The following PXDNL variants were observed in gnomAD, a reference collection of about 807,000 sequenced individuals.
The protein encoded by PXDNL is probable oxidoreductase PXDNL.
In PXDNL, 145 loss-of-function variants were observed where a neutral mutation model predicts 150.8. The observed-to-expected ratio is 0.96, with a 90% CI of 0.84 to 1.10. PXDNL has a LOEUF of 1.10. PXDNL is among the 50% of genes least tolerant of loss of function. The pLI is 0.00. For synonymous variants in PXDNL, 757 were observed against 725.7 expected, an observed-to-expected ratio of 1.04 and a Z score of -0.69; for missense variants, 2,087 against 1,873.9, an observed-to-expected ratio of 1.11 and a Z score of -2.10.
chr8:51,787,788 C>T (rs924845943), intron 1 of PXDNL, among the ~76,000 whole-genome samples: 1 of 152,194 alleles, frequency 6.6e-6, no homozygotes, highest in Admixed American at 6.5e-5. Flanking sequence ...AATAGTTCTA[C>T]TGTAGGTAAA....
intron 8 of PXDNL, among the ~76,000 whole-genome samples, chr8:51,465,106 G>A (rs1810175514): frequency 6.6e-6 from 1 of 151,934 alleles, no homozygotes; most frequent in Non-Finnish European, 1.5e-5. Flanking sequence ...AACAAAAAAG[G>A]AAACCATGGG....
intron 19 of PXDNL, among the ~76,000 whole-genome samples, chr8:51,352,172 T>C (rs1806373117): frequency 6.6e-6 from 1 of 152,116 alleles, no homozygotes; most frequent in African/African-American, 2.4e-5. Context: ...AAAAATGTAC[T>C]GTAGTATGGA....
chr8:51,542,161 G>A (rs7843354), intron 4 of PXDNL, among the ~76,000 whole-genome samples: 21,760 of 138,740 alleles, frequency 0.16, 2,115 homozygotes, highest in African/African-American at 0.29. Flanking sequence ...GGGAAAAAAA[G>A]GAGTATCCTC....
intron 4 of PXDNL, among the ~76,000 whole-genome samples, chr8:51,500,805 T>C (rs1811162060): frequency 6.6e-6 from 1 of 152,192 alleles, no homozygotes; most frequent in East Asian, 1.9e-4. Flanking sequence ...CTCTCTGACT[T>C]GAAGTAATGG....
chr8:51,550,880 T>C (rs2130520009), intron 4 of PXDNL, among the ~76,000 whole-genome samples: 1 of 152,220 alleles, frequency 6.6e-6, no homozygotes, highest in African/African-American at 2.4e-5. Flanking sequence ...CAAACTGTCG[T>C]TGTTCACCAA....
rs192187614 is a variant in PXDNL at position 51,436,994 on chromosome 8, C to A, written c.1525+10010G>T. On this transcript the variant is annotated intron_variant, in intron 12 of 22. Coordinates refer to ENST00000356297, the MANE Select transcript of PXDNL (RefSeq NM_144651.5). The stretch of plus-strand genomic sequence containing the variant: ...AGAAGAGAAAAGAACCAAATAAGCT[C>A]AATTAGAAATGAAACAGGAGATATT... 1.5e-3 allele frequency among the ~76,000 whole-genome samples: 235 copies of A among 152,130 alleles called. 4 individuals carry two copies. Among genetic ancestry groups the A allele is most frequent in the Admixed American group, 0.015 (232 of 15,282 alleles).
chr8:51,761,171 C>T (rs1275864697), intron 1 of PXDNL, among the ~76,000 whole-genome samples: 1 of 151,816 alleles, frequency 6.6e-6, no homozygotes. Context: ...CCGCGGCCGG[C>T]CTGAAATCAC....
At chr8:51,657,283 T>G (rs1489481395) in intron 1 of PXDNL, among the ~76,000 whole-genome samples, 2 of 152,236 alleles carry the variant, frequency 1.3e-5, no homozygotes, top group African/African-American at 4.8e-5. Flanking sequence ...AGTCAACAAC[T>G]GTCTATATAT....
At chr8:51,707,444 T>A (rs572665883) in intron 1 of PXDNL, among the ~76,000 whole-genome samples, 62 of 152,344 alleles carry the variant, frequency 4.1e-4, no homozygotes, top group African/African-American at 1.4e-3. Flanking sequence ...GTACTAAACA[T>A]ACTCATCACC....
intron 17 of PXDNL, among the ~76,000 whole-genome samples, chr8:51,391,285 T>G (rs1426922404): frequency 6.6e-6 from 1 of 152,180 alleles, no homozygotes; most frequent in Non-Finnish European, 1.5e-5. Context: ...TCAAATGGTA[T>G]TTCTAGTTCT....
intron 4 of PXDNL, among the ~76,000 whole-genome samples, chr8:51,537,104 T>C (rs1812095378): frequency 6.6e-6 from 1 of 152,204 alleles, no homozygotes; most frequent in Non-Finnish European, 1.5e-5. Flanking sequence ...ATAGTATCTC[T>C]AGGACATGTA....
At chr8:51,583,745 A>C (rs1476835908) in intron 3 of PXDNL, among the ~76,000 whole-genome samples, 1 of 152,166 alleles carries the variant, frequency 6.6e-6, no homozygotes, top group Non-Finnish European at 1.5e-5. Context: ...AAATAGATGG[A>C]TAGATGGATA....
intron 10 of PXDNL, among the ~76,000 whole-genome samples, chr8:51,452,816 A>G (rs188738276): frequency 6.6e-6 from 1 of 152,290 alleles, no homozygotes; most frequent in East Asian, 1.9e-4. Flanking sequence ...TAGTTTAGAA[A>G]AAACTGGACC....
In PXDNL at chr8:51,409,160, T is replaced by C. The variant is rs1482654878; in HGVS notation, c.2464A>G (p.Ser822Gly). 1.9e-6 allele frequency: 3 copies of C among 1,601,054 alleles called. No individual in the cohort carries two copies. In the South Asian group the frequency reaches 3.3e-5, roughly 18 times the overall value. ...CGCCCATCCGAGAAGCGGGCTGTGC[T>C]CAGCGCAGGCACTGTGTGGTCCAAG... ...HDLDHTVPAL[S>G]TARFSDGRPC... is the part of the protein sequence containing the mutation. The change falls in exon 17 of 23, where the codon AGC becomes GGC. Residue 822 changes from serine (S) to glycine (G), a missense_variant. Physicochemically the swap from Ser to Gly is moderately conservative, Grantham distance 56. Transcript: ENST00000356297.
intron 2 of PXDNL, among the ~76,000 whole-genome samples, chr8:51,638,378 A>G (rs1228286119): frequency 6.6e-6 from 1 of 152,204 alleles, no homozygotes. Flanking sequence ...AATGGGCTAA[A>G]TGCTCCAATT....
chr8:51,779,141 G>A (rs1298238258), intron 1 of PXDNL, among the ~76,000 whole-genome samples: 1 of 152,188 alleles, frequency 6.6e-6, no homozygotes, highest in Non-Finnish European at 1.5e-5. Flanking sequence ...ACTGTAGTGA[G>A]ACTATGCATA....
At chr8:51,450,186 T>C (rs1434126454) in intron 10 of PXDNL, among the ~76,000 whole-genome samples, 2 of 152,226 alleles carry the variant, frequency 1.3e-5, no homozygotes, top group East Asian at 1.9e-4. Flanking sequence ...AACATGCTAA[T>C]GCATTATAAT....
chr8:51,679,563 T>C (rs1245571164), intron 1 of PXDNL, among the ~76,000 whole-genome samples: 1 of 152,206 alleles, frequency 6.6e-6, no homozygotes, highest in East Asian at 1.9e-4. Context: ...TATCTACTAT[T>C]AGTAGTAGTA....
chr8:51,541,055 C>T (rs979119968), intron 4 of PXDNL, among the ~76,000 whole-genome samples: 4 of 151,724 alleles, frequency 2.6e-5, no homozygotes, highest in African/African-American at 4.8e-5. Flanking sequence ...GTCAATAGAT[C>T]GAGACCAGCC....
Sources: gnomAD v4.1 joint callset for allele counts (sites outside exome capture counted in the v4.1 genomes callset) on GRCh38, gnomAD v4.1.1 for gene constraint, MANE v1.5 for transcripts, NCBI Gene and HGNC (gene_info 2026-07-23, HGNC 2026-07-21) for gene names.